SPATA13: variants seen among roughly 807,000 people sequenced by gnomAD.
The protein encoded by SPATA13 is spermatogenesis-associated protein 13.
A neutral mutation model predicts 104.0 loss-of-function variants in SPATA13; 50 were observed. The observed-to-expected ratio is 0.48, with a 90% CI of 0.38 to 0.61. The LOEUF (loss-of-function observed/expected upper bound fraction) is 0.61. Ranked by LOEUF, SPATA13 falls within the 20% of genes least tolerant of loss-of-function variation. The probability of loss-of-function intolerance (pLI) is 0.00; values close to 1 mark genes in which losing one functional copy is unlikely to be tolerated. For missense variants in SPATA13, 1,524 were observed against 1,690.6 expected (o/e 0.90, Z 1.73); for synonymous variants, 606 against 667.5 (o/e 0.91, Z 1.42).
intron 3 of SPATA13, among the ~76,000 whole-genome samples, chr13:24,148,950 G>A (rs1161100869): frequency 6.6e-6 from 1 of 152,208 alleles, no homozygotes; most frequent in Non-Finnish European, 1.5e-5. Context: ...TCCTATGCAT[G>A]CCACATGAGA....
chr13:24,278,936 C>G, intron 4 of SPATA13: 1 of 867,792 alleles, frequency 1.2e-6, no homozygotes, highest in Non-Finnish European at 1.6e-6. Context: ...CTCTTTCCTT[C>G]CTTCCTTCCT....
intron 4 of SPATA13, chr13:24,252,917 A>C (rs1478207950): frequency 1.3e-5 from 2 of 152,214 alleles, no homozygotes; most frequent in African/African-American, 4.8e-5. Context: ...GGAGCTAGTG[A>C]GGTATCCAGT....
intron 3 of SPATA13, chr13:24,123,890 C>CCAGA: frequency 1.5e-6 from 1 of 652,160 alleles, no homozygotes; most frequent in East Asian, 2.5e-5. Context: ...ACTCCTCCAC[C>CCAGA]CAGAGATCAT....
intron 4 of SPATA13, among the ~76,000 whole-genome samples, chr13:24,276,959 A>G (rs1176691161): frequency 6.6e-6 from 1 of 152,224 alleles, no homozygotes; most frequent in East Asian, 1.9e-4. Context: ...CTGAACTGCA[A>G]ATTGCTATTT....
intron 3 of SPATA13, among the ~76,000 whole-genome samples, chr13:24,032,306 T>TG (rs1877513213): frequency 6.6e-6 from 1 of 152,202 alleles, no homozygotes; most frequent in South Asian, 2.1e-4. Context: ...CTCTCCCCTA[T>TG]GGCAATACCA....
chr13:24,242,469 C>G (rs1221972978), intron 2 of SPATA13, among the ~76,000 whole-genome samples: 1 of 152,182 alleles, frequency 6.6e-6, no homozygotes, highest in African/African-American at 2.4e-5. Flanking sequence ...TCTTTCTTAC[C>G]TACTGCTATA....
At chr13:24,137,548 C>T (rs1366784032) in intron 3 of SPATA13, among the ~76,000 whole-genome samples, 1 of 152,094 alleles carries the variant, frequency 6.6e-6, no homozygotes, top group Non-Finnish European at 1.5e-5. Flanking sequence ...TCACTTGAGG[C>T]CAGGAGTTTG....
intron 3 of SPATA13, among the ~76,000 whole-genome samples, chr13:24,086,520 T>C (rs549488446): frequency 5.9e-4 from 90 of 151,422 alleles, no homozygotes; most frequent in African/African-American, 2.2e-3. Context: ...AAAGAAAGGA[T>C]GAATTCAAAA....
chr13:24,020,680 G>A (rs1164160042), intron 3 of SPATA13, among the ~76,000 whole-genome samples: 1 of 152,180 alleles, frequency 6.6e-6, no homozygotes, highest in Admixed American at 6.5e-5. Context: ...AGACATTTCA[G>A]TTAAATTCAA....
intron 12 of SPATA13, among the ~76,000 whole-genome samples, chr13:24,300,757 C>A (rs2138777565): frequency 6.6e-6 from 1 of 152,294 alleles, no homozygotes; most frequent in Admixed American, 6.5e-5. Flanking sequence ...CCCTCTGCTC[C>A]CCTCCCCCAA....
At chr13:24,061,978 T>C (rs1878788915) in intron 3 of SPATA13, among the ~76,000 whole-genome samples, 3 of 152,162 alleles carry the variant, frequency 2.0e-5, no homozygotes, top group Admixed American at 6.5e-5. Flanking sequence ...AGAACTAAGC[T>C]TTAACTTAAG....
intron 4 of SPATA13, among the ~76,000 whole-genome samples, chr13:24,258,998 A>G (rs376123663): frequency 6.6e-6 from 1 of 152,172 alleles, no homozygotes; most frequent in Non-Finnish European, 1.5e-5. Context: ...CTTGGGGTGG[A>G]CCATCCATAT....
At chr13:24,012,319 C>A (rs1176422667) in intron 2 of SPATA13, among the ~76,000 whole-genome samples, 1 of 152,238 alleles carries the variant, frequency 6.6e-6, no homozygotes, top group East Asian at 1.9e-4. Flanking sequence ...GGGCAGCTCA[C>A]AGATGAAACT....
chr13:24,284,857 C>T (rs1875811397), intron 5 of SPATA13, among the ~76,000 whole-genome samples: 1 of 152,106 alleles, frequency 6.6e-6, no homozygotes, highest in Non-Finnish European at 1.5e-5. Context: ...CACAACTGAT[C>T]TAAGAAGCGG....
intron 3 of SPATA13, among the ~76,000 whole-genome samples, chr13:24,040,546 G>T (rs2137727999): frequency 6.6e-6 from 1 of 152,240 alleles, no homozygotes; most frequent in Non-Finnish European, 1.5e-5. Flanking sequence ...GGACACTGTG[G>T]ACATTGGAAG....
At chr13:24,299,546 G>A (rs545670906) in intron 11 of SPATA13, among the ~76,000 whole-genome samples, 26 of 152,352 alleles carry the variant, frequency 1.7e-4, no homozygotes, top group African/African-American at 4.8e-4. Flanking sequence ...TGAGCCTGAC[G>A]TCAGGACAGT....
chr13:24,188,609 A>G (rs530043966), intron 1 of SPATA13, among the ~76,000 whole-genome samples: 5 of 152,360 alleles, frequency 3.3e-5, no homozygotes, highest in African/African-American at 1.2e-4. Flanking sequence ...TCTCTGTAAC[A>G]TAAGTGCAGG....
chr13:24,297,561 C>T lies in SPATA13; in HGVS notation c.3409C>T (p.Leu1137=). 1.2e-6 allele frequency: 2 copies of T among 1,614,208 alleles called. No homozygotes were observed. Among genetic ancestry groups the T allele is most frequent in the Non-Finnish European group, 1.7e-6 (2 of 1,180,048 alleles). Residue 1137 remains leucine, a synonymous_variant, in exon 11 of 13, where the codon CTG becomes TTG. Coordinates refer to ENST00000382108, the MANE Select transcript of SPATA13 (RefSeq NM_001166271.3). ...LDMDEMELVD[L]GDGRDKDCNL... ...CATGGATGAGATGGAGCTTGTGGACCTGGGGGATGGGCGCGACAAGGACTG... is the reference window on the plus strand; with the variant it reads ...CATGGATGAGATGGAGCTTGTGGACTTGGGGGATGGGCGCGACAAGGACTG...
chr13:24,103,261 T>G (rs1195899240), intron 3 of SPATA13, among the ~76,000 whole-genome samples: 1 of 152,146 alleles, frequency 6.6e-6, no homozygotes, highest in African/African-American at 2.4e-5. Context: ...TTATTTTCTT[T>G]ACCTATGTCT....
Sources: allele counts gnomAD v4.1 joint callset (sites outside exome capture counted in the v4.1 genomes callset), GRCh38; gene constraint gnomAD v4.1.1; transcripts MANE v1.5; gene names NCBI Gene and HGNC (gene_info 2026-07-23, HGNC 2026-07-21).